ABR: variants seen among roughly 807,000 people sequenced by gnomAD.
ABR encodes active breakpoint cluster region-related protein.
ABR carries 35 observed loss-of-function variants against 107.2 expected under a neutral mutation model. That is an observed-to-expected ratio of 0.33 (90% confidence interval 0.25 to 0.43). The LOEUF (loss-of-function observed/expected upper bound fraction) is 0.43. ABR is among the 20% of genes least tolerant of loss of function. The probability of loss-of-function intolerance (pLI) is 1.00; values close to 1 mark genes in which losing one functional copy is unlikely to be tolerated. For missense variants in ABR, 815 were observed against 1,115.2 expected, an observed-to-expected ratio of 0.73 and a Z score of 3.83; for synonymous variants, 498 against 462.0, an observed-to-expected ratio of 1.08 and a Z score of -1.00.
At chr17:1,080,772 T>TGGTGTTGTGGGGGGGGGGGGGGGGGGG (rs2036174295) in intron 5 of ABR, among the ~76,000 whole-genome samples, 1 of 82,830 alleles carries the variant, frequency 1.2e-5, no homozygotes, top group African/African-American at 4.6e-5. Flanking sequence ...GGCGGGGGGG[T>TGGTGTTGTGGGGGGGGGGGGGGGGGGG]GGGGGATACT....
At chr17:1,016,313 G>A (rs962461175) in intron 16 of ABR, among the ~76,000 whole-genome samples, 6 of 136,736 alleles carry the variant, frequency 4.4e-5, no homozygotes, top group Admixed American at 2.4e-4. Context: ...TGACCCCAAC[G>A]TTTCTTTTTT....
chr17:1,044,273 C>T (rs1340199205), intron 16 of ABR, among the ~76,000 whole-genome samples: 1 of 152,212 alleles, frequency 6.6e-6, no homozygotes, highest in Non-Finnish European at 1.5e-5. Flanking sequence ...CTAACAAGCT[C>T]TGTGACCGCG....
At chr17:1,101,379 G>C (rs1162005358) in intron 2 of ABR, 2 of 152,320 alleles carry the variant, frequency 1.3e-5, no homozygotes, top group African/African-American at 2.4e-5. Context: ...AAAAGGAAAA[G>C]ACAATCACCC....
Position 1,010,538 on chromosome 17 carries a change from G to A in ABR, c.2236+191C>T. 2 of 691,940 alleles carry A rather than the reference G, an allele frequency of 2.9e-6. No individual in the cohort carries two copies. The highest frequency in any genetic ancestry group is 1.9e-5 in the South Asian group (1 of 51,950). The allele number at this position is 691,940 out of a possible 1,614,324, so 42.9% of individuals were successfully genotyped here. A position where few individuals can be genotyped will look rare whatever the true frequency, so the allele number is the denominator to read the frequency against. ...CAGGGGCAAGAGGCAGGCGAGAAAGGGCCCAGTGTCTGCACCAGGTCCCAG... is the reference window on the plus strand; with the variant it reads ...CAGGGGCAAGAGGCAGGCGAGAAAGAGCCCAGTGTCTGCACCAGGTCCCAG... On this transcript the variant is annotated intron_variant, in intron 20 of 22. Coordinates refer to ENST00000302538, the MANE Select transcript of ABR (RefSeq NM_021962.5). The surrounding 1 kb of genome is among the most constrained non-coding windows in gnomAD (Gnocchi z 4.1).
At chr17:1,120,598 C>T (rs111272652) in intron 2 of ABR, among the ~76,000 whole-genome samples, 2,129 of 152,272 alleles carry the variant, frequency 0.014, 56 homozygotes, top group African/African-American at 0.048. Flanking sequence ...GATTTCAATT[C>T]GCCTCCACCC....
At chr17:1,218,612 A>T (rs954405607) in intron 1 of ABR, among the ~76,000 whole-genome samples, 1 of 152,204 alleles carries the variant, frequency 6.6e-6, no homozygotes, top group Non-Finnish European at 1.5e-5. Context: ...CCTTAGTCTC[A>T]TGGGAACATA....
chr17:1,124,934 C>A (rs1483048773), intron 2 of ABR, among the ~76,000 whole-genome samples: 1 of 152,108 alleles, frequency 6.6e-6, no homozygotes, highest in Non-Finnish European at 1.5e-5. Flanking sequence ...GTCTGGGAGG[C>A]CTGGGGAGCA....
rs1295761896 is a variant in ABR at position 1,058,773 on chromosome 17, G to A, written c.1277C>T (p.Pro426Leu). 1.9e-6 allele frequency: 3 copies of A among 1,614,020 alleles called. No homozygotes were observed. Among genetic ancestry groups the A allele is most frequent in the South Asian group, 1.1e-5 (1 of 91,062 alleles). Residue 426 changes from proline (P) to leucine (L), a missense_variant, in exon 11 of 23, where the codon CCG becomes CTG. Physicochemically the swap from Pro to Leu is moderately conservative, Grantham distance 98. Coordinates refer to ENST00000302538, the MANE Select transcript of ABR (RefSeq NM_021962.5). ...FLLLLNSPTI[P>L]FRIHNRNGKS... ...TCCATTCCGATTGTGGATCCTGAAC[G>A]GGATTGTGGGGGAGTTGAGCAGCAG...
Position 1,004,848 on chromosome 17 carries a change from G to C in ABR, c.*1232C>G. 1 of 394,986 alleles carries C rather than the reference G, an allele frequency of 2.5e-6. No individual in the cohort carries two copies. The allele number at this position is 394,986 out of a possible 1,614,324, so 24.5% of individuals were successfully genotyped here. Reference sequence around the variant, plus strand: ...CACAATGGCTGGCCACCGTGGGCCTGTGCCTTTGCTTCCCAGGTCCTGGAG... The same window carrying C: ...CACAATGGCTGGCCACCGTGGGCCTCTGCCTTTGCTTCCCAGGTCCTGGAG... On this transcript the variant is annotated 3_prime_UTR_variant, in exon 23 of 23. Coordinates refer to ENST00000302538, the MANE Select transcript of ABR (RefSeq NM_021962.5).
chr17:1,126,920 C>T (rs1258369312), intron 1 of ABR, among the ~76,000 whole-genome samples: 1 of 152,232 alleles, frequency 6.6e-6, no homozygotes, highest in Non-Finnish European at 1.5e-5. Context: ...AGGTCTGAGG[C>T]TTCAGCCAAG....
chr17:1,110,450 G>A (rs578001477), intron 2 of ABR, among the ~76,000 whole-genome samples: 1 of 152,296 alleles, frequency 6.6e-6, no homozygotes, highest in Non-Finnish European at 1.5e-5. Context: ...TGGAGGAAAC[G>A]CAAGCTCATG....
At chr17:1,204,977 C>T (rs2042762788) in intron 1 of ABR, among the ~76,000 whole-genome samples, 2 of 144,628 alleles carry the variant, frequency 1.4e-5, no homozygotes, top group South Asian at 4.4e-4. Context: ...GATCTCGGCT[C>T]ACTGCATCCT....
intron 14 of ABR, among the ~76,000 whole-genome samples, chr17:1,053,697 G>A (rs538008834): frequency 6.6e-6 from 1 of 152,302 alleles, no homozygotes; most frequent in Non-Finnish European, 1.5e-5. Flanking sequence ...AGGATAATCT[G>A]GGGGTAAAGA....
intron 1 of ABR, among the ~76,000 whole-genome samples, chr17:1,185,905 G>A (rs1384489078): frequency 1.3e-5 from 2 of 151,386 alleles, no homozygotes; most frequent in African/African-American, 2.4e-5. Context: ...GCAGGATCTC[G>A]GCTCACTGCA....
rs781323012 is a variant in ABR at position 1,125,228 on chromosome 17, C to A, written c.201G>T (p.Gly67=). ...GTGGAGTCGGGGAGACGCCATCCCC[C>A]CCGCCCTGGCTGCGGGCGCTGAGCT... The part of the protein sequence containing the change: ...SPQLSARSQG[G]GDGVSPTPPE... The change falls in exon 2 of 23, where the codon GGG becomes GGT. Residue 67 remains glycine (G), a synonymous_variant. Transcript: ENST00000302538. 5 of 1,610,012 alleles carry A rather than the reference C, an allele frequency of 3.1e-6. No homozygotes were observed. In the African/African-American group the frequency reaches 4.0e-5, roughly 13 times the overall value.
intron 16 of ABR, among the ~76,000 whole-genome samples, chr17:1,019,719 T>A (rs943001146): frequency 3.3e-5 from 5 of 152,258 alleles, no homozygotes; most frequent in Non-Finnish European, 4.4e-5. Context: ...CTGGGAAATG[T>A]GGACTGTGCT....
intron 6 of ABR, among the ~76,000 whole-genome samples, chr17:1,075,615 C>T (rs1324220986): frequency 1.3e-5 from 2 of 152,200 alleles, no homozygotes; most frequent in Non-Finnish European, 2.9e-5. Context: ...GTCAACTCAA[C>T]CCAAATCTCT....
Position 1,011,147 on chromosome 17 carries a change from T to G in ABR, c.2102-284A>C, listed in dbSNP as rs757222873. On this transcript the variant is annotated intron_variant, in intron 19 of 22. Transcript: ENST00000302538. The surrounding 1 kb of genome is among the most constrained non-coding windows in gnomAD (Gnocchi z 4.8). ...AGAGTTCAGAGCCACATTCATACCA[T>G]GTGGCCTGCAGCTTCCTTCCGACTG... 1 of 445,088 alleles carries G rather than the reference T, an allele frequency of 2.2e-6. No homozygotes were observed. Among genetic ancestry groups the G allele is most frequent in the African/African-American group, 2.0e-5 (1 of 50,256 alleles). 27.6% of individuals were successfully genotyped at this position (445,088 alleles called of 1,614,324 possible). A position where few individuals can be genotyped will look rare whatever the true frequency, so the allele number is the denominator to read the frequency against.
chr17:1,044,283 G>A (rs60684984), intron 16 of ABR, among the ~76,000 whole-genome samples: 28,690 of 152,128 alleles, frequency 0.19, 2,914 homozygotes, highest in Middle Eastern at 0.29. Flanking sequence ...CTGTGACCGC[G>A]GCTGCCTCGC....
Sources: allele counts gnomAD v4.1 joint callset (sites outside exome capture counted in the v4.1 genomes callset), GRCh38; gene constraint gnomAD v4.1.1; non-coding constraint Gnocchi (gnomAD v3.1); transcripts MANE v1.5; gene names NCBI Gene and HGNC (gene_info 2026-07-23, HGNC 2026-07-21).